The following BRIP1 variants were observed in gnomAD, a reference collection of about 807,000 sequenced individuals.
BRIP1 encodes the protein Fanconi anemia group J protein.
BRIP1 carries 88 observed loss-of-function variants against 119.7 expected under a neutral mutation model. The observed-to-expected ratio is 0.74, with a 90% confidence interval of 0.62 to 0.88. The LOEUF (loss-of-function observed/expected upper bound fraction) is 0.88. Among genes scored for constraint, BRIP1 ranks in the 40% least tolerant of loss-of-function variants. The pLI, the probability that BRIP1 is intolerant of heterozygous loss-of-function variation, is 0.00. For missense variants in BRIP1, 1,259 were observed against 1,455.4 expected (o/e 0.87, Z 2.20); for synonymous variants, 443 against 496.5 (o/e 0.89, Z 1.43).
rs748658407 is a variant in BRIP1, at chr17:61,851,975, A to G, written c.380-2719T>C. On this transcript the variant is annotated intron_variant, in intron 4 of 19. Coordinates refer to ENST00000259008, the MANE Select transcript of BRIP1 (RefSeq NM_032043.3). The surrounding 1 kb of genome is among the most constrained non-coding windows in gnomAD (Gnocchi z 4.6). Reference sequence around the variant, plus strand: ...TACTAGCATCCAGTGCATAAAGGCCAGAAGTATTGCTAAACATCTCACAAG... The same window carrying G: ...TACTAGCATCCAGTGCATAAAGGCCGGAAGTATTGCTAAACATCTCACAAG... 3.3e-5 allele frequency among the ~76,000 whole-genome samples: 5 copies of G among 152,258 alleles called. No homozygotes were observed. Among genetic ancestry groups the G allele is most frequent in the Non-Finnish European group, 5.9e-5 (4 of 68,050 alleles).
chr17:61,859,569 C>T lies in BRIP1; in HGVS notation c.205+227G>A, dbSNP rs533448458. Among the ~76,000 whole-genome samples, 10 of 152,074 alleles carry T rather than the reference C, an allele frequency of 6.6e-5. No individual in the cohort carries two copies. The South Asian group carries it at 8.3e-4, about 13-fold the overall frequency. ...GGCTGCCAAGTCTTTATGTACTTTC[C>T]GACTCATCAAAAGACTAAATTATGT... On this transcript the variant is annotated intron_variant, in intron 3 of 19. Coordinates refer to ENST00000259008, the MANE Select transcript of BRIP1 (RefSeq NM_032043.3).
chr17:61,685,941 A>C lies in BRIP1; in HGVS notation c.2800T>G (p.Phe934Val), dbSNP rs863224801. Residue 934 changes from phenylalanine to valine, a missense_variant, in exon 19 of 20, where the codon TTT becomes GTT. Physicochemically the swap from Phe to Val is conservative, Grantham distance 50. Around this residue, in one of 3 missense-constraint regions of BRIP1, gnomAD observed 753 missense variants for 891.8 expected, o/e 0.84. Transcript: ENST00000259008. ...CATATCTTTGCTTCATCTTCCACAAAATTTTCTGGTGATAGATGACTTGCT... is the reference window on the plus strand; with the variant it reads ...CATATCTTTGCTTCATCTTCCACAACATTTTCTGGTGATAGATGACTTGCT... ...EAASHLSPEN[F>V]VEDEAKICVQ... 15 of 1,613,804 alleles carry C rather than the reference A, an allele frequency of 9.3e-6. No homozygotes were observed. Among genetic ancestry groups the C allele is most frequent in the Non-Finnish European group, 1.0e-5 (12 of 1,179,894 alleles).
intron 11 of BRIP1, among the ~76,000 whole-genome samples, chr17:61,781,570 G>C (rs1434828356): frequency 6.6e-6 from 1 of 152,084 alleles, no homozygotes; most frequent in Admixed American, 6.5e-5. Flanking sequence ...TGATATCTGT[G>C]ATCCCATCCA....
rs545926269 is a variant in BRIP1, at chr17:61,700,267, G to A, written c.2493-6755C>T. ...CCTTTATATTAACTTTTACATTTAC[G>A]TATGTCGTTAACTTTGTGGGTATTC... On this transcript the variant is annotated intron_variant, in intron 17 of 19. Coordinates refer to ENST00000259008, the MANE Select transcript of BRIP1 (RefSeq NM_032043.3). This position sits in a 1 kb window ranked among gnomAD's most constrained non-coding sequence, Gnocchi z 4.1. Among the ~76,000 whole-genome samples, 99 of 152,194 alleles carry A rather than the reference G, an allele frequency of 6.5e-4. No homozygotes were observed. The highest frequency in any genetic ancestry group is 2.3e-3 in the African/African-American group (96 of 41,522).
chr17:61,761,602 C>A lies in BRIP1; in HGVS notation c.2097+14799G>T, dbSNP rs545986727. ...AAATCAACACACAAAAAATCAGTAG[C>A]ATTTCTATATACTAATAACAGACTA... is the stretch of plus-strand genomic sequence containing the variant. On this transcript the variant is annotated intron_variant, in intron 14 of 19. Coordinates refer to ENST00000259008, the MANE Select transcript of BRIP1 (RefSeq NM_032043.3). This position sits in a 1 kb window ranked among gnomAD's most constrained non-coding sequence, Gnocchi z 6.4. Among the ~76,000 whole-genome samples the A allele has an allele frequency of 3.9e-5, 6 of 151,940 alleles. No individual in the cohort carries two copies. In the East Asian group the frequency reaches 1.2e-3, roughly 29 times the overall value.
In BRIP1 at chr17:61,846,107, A is replaced by G. The variant is rs891814983; in HGVS notation, c.627+994T>C. Among the ~76,000 whole-genome samples the G allele has an allele frequency of 9.9e-5, 15 of 152,014 alleles. No homozygotes were observed. The highest frequency in any genetic ancestry group is 3.1e-4 in the African/African-American group (13 of 41,406). On this transcript the variant is annotated intron_variant, in intron 6 of 19. Coordinates refer to ENST00000259008, the MANE Select transcript of BRIP1 (RefSeq NM_032043.3). This position sits in a 1 kb window ranked among gnomAD's most constrained non-coding sequence, Gnocchi z 4.3. ...TGAGGCAGGAGAATGGCATGAACCC[A>G]GGAGGCGGAGCTTGCAGTGGGCGGA...
chr17:61,817,889 C>T (rs2145501790), intron 6 of BRIP1, among the ~76,000 whole-genome samples: 1 of 152,250 alleles, frequency 6.6e-6, no homozygotes, highest in South Asian at 2.1e-4. Context: ...CAGGTTGCAG[C>T]TCATGAAAAC....
At chr17:61,777,232 A>T (rs2077548372) in intron 13 of BRIP1, among the ~76,000 whole-genome samples, 1 of 152,216 alleles carries the variant, frequency 6.6e-6, no homozygotes, top group Admixed American at 6.5e-5. Flanking sequence ...GAAAGAATCA[A>T]TGAATGAATG....
chr17:61,781,207 C>T (rs997952549), intron 11 of BRIP1, among the ~76,000 whole-genome samples: 1 of 152,126 alleles, frequency 6.6e-6, no homozygotes, highest in Non-Finnish European at 1.5e-5. Context: ...TCAACTGATT[C>T]TCAGAGGGAA....
chr17:61,764,371 T>G (rs1362703223), intron 14 of BRIP1, among the ~76,000 whole-genome samples: 1 of 152,198 alleles, frequency 6.6e-6, no homozygotes, highest in Non-Finnish European at 1.5e-5. Context: ...TCTCTCCCCT[T>G]GCCTCCCACT....
Position 61,776,177 on chromosome 17 carries a change from C to T in BRIP1, c.2097+224G>A, listed in dbSNP as rs2077529561. 3.8e-6 allele frequency: 2 copies of T among 528,438 alleles called. No homozygotes were observed. The highest frequency in any genetic ancestry group is 6.6e-6 in the Non-Finnish European group (2 of 300,822). 32.7% of individuals were successfully genotyped at this position (528,438 alleles called of 1,614,324 possible). On this transcript the variant is annotated intron_variant, in intron 14 of 19. Coordinates refer to ENST00000259008, the MANE Select transcript of BRIP1 (RefSeq NM_032043.3). The surrounding 1 kb of genome is among the most constrained non-coding windows in gnomAD (Gnocchi z 5.0). ...GATTACAAGCATGAGCCACCACGTC[C>T]AGCCTTGCTCTTTCAGACTTTTAAG...
In BRIP1 at chr17:61,709,819, G is replaced by C. The variant is rs1177512365; in HGVS notation, c.2492+6132C>G. Reference sequence around the variant, plus strand: ...CAAAACCATCTTGTATGTTTCCAAAGGCTGTTCTTGTATTTCATAGACTTA... The same window carrying C: ...CAAAACCATCTTGTATGTTTCCAAACGCTGTTCTTGTATTTCATAGACTTA... On this transcript the variant is annotated intron_variant, in intron 17 of 19. Transcript: ENST00000259008. The surrounding 1 kb of genome is among the most constrained non-coding windows in gnomAD (Gnocchi z 5.0). Among the ~76,000 whole-genome samples the C allele has an allele frequency of 6.6e-6, 1 of 152,014 alleles. No individual in the cohort carries two copies. The highest frequency in any genetic ancestry group is 6.6e-5 in the Admixed American group (1 of 15,244).
At chr17:61,800,052 C>T (rs2077966353) in intron 8 of BRIP1, among the ~76,000 whole-genome samples, 1 of 152,132 alleles carries the variant, frequency 6.6e-6, no homozygotes, top group African/African-American at 2.4e-5. Context: ...TTTGGAGGGA[C>T]TAATATGTGG....
At chr17:61,791,881 T>G (rs962731813) in intron 10 of BRIP1, among the ~76,000 whole-genome samples, 1 of 152,186 alleles carries the variant, frequency 6.6e-6, no homozygotes, top group Non-Finnish European at 1.5e-5. Flanking sequence ...ACAACATGGA[T>G]GAAACTGGAA....
At chr17:61,728,851 C>T (rs1424400938) in intron 16 of BRIP1, among the ~76,000 whole-genome samples, 2 of 152,094 alleles carry the variant, frequency 1.3e-5, no homozygotes, top group Non-Finnish European at 2.9e-5. Flanking sequence ...AAGGAACTGG[C>T]CTGTTATCTG....
chr17:61,720,358 C>T lies in BRIP1; in HGVS notation c.2380-4295G>A, dbSNP rs2061953593. On this transcript the variant is annotated intron_variant, in intron 16 of 19. Coordinates refer to ENST00000259008, the MANE Select transcript of BRIP1 (RefSeq NM_032043.3). The surrounding 1 kb of genome is among the most constrained non-coding windows in gnomAD (Gnocchi z 4.3). ...AAACATCATATGTATCAAAACATCACTATGTACCCTATGAATATGTACAAT... is the reference window on the plus strand; with the variant it reads ...AAACATCATATGTATCAAAACATCATTATGTACCCTATGAATATGTACAAT... Among the ~76,000 whole-genome samples, 1 of 152,092 alleles carries T rather than the reference C, an allele frequency of 6.6e-6. No homozygotes were observed. Among genetic ancestry groups the T allele is most frequent in the Non-Finnish European group, 1.5e-5 (1 of 68,018 alleles).
In BRIP1 at chr17:61,823,701, GATGAAAACTATAAAACCAT is replaced by G. The variant is rs1379466565; in HGVS notation, c.628-14963_628-14945del. On this transcript the variant is annotated intron_variant, in intron 6 of 19. Coordinates refer to ENST00000259008, the MANE Select transcript of BRIP1 (RefSeq NM_032043.3). This position sits in a 1 kb window ranked among gnomAD's most constrained non-coding sequence, Gnocchi z 4.8. ...AAATGGCTCAAATTGTTCATAATTT[GATGAAAACTATAAAACCAT>G]AGATCCAAAAAGCTCAATGACCCCA... Among the ~76,000 whole-genome samples, 1 of 151,124 alleles carries G rather than the reference GATGAAAACTATAAAACCAT, an allele frequency of 6.6e-6. No homozygotes were observed. The highest frequency in any genetic ancestry group is 2.0e-4 in the East Asian group (1 of 5,116).
chr17:61,718,336 C>G (rs1291469893), intron 16 of BRIP1, among the ~76,000 whole-genome samples: 1 of 152,160 alleles, frequency 6.6e-6, no homozygotes, highest in Non-Finnish European at 1.5e-5. Flanking sequence ...TAATTTATCC[C>G]CCATACAAAG....
intron 14 of BRIP1, among the ~76,000 whole-genome samples, chr17:61,765,402 TATATATATATATATA>T: frequency 2.0e-4 from 3 of 15,276 alleles, no homozygotes; most frequent in Non-Finnish European, 3.1e-4. Context: ...TATATATATA[TATATATATATATATA>T]TATATATTTT....
Sources: allele counts gnomAD v4.1 joint callset (sites outside exome capture counted in the v4.1 genomes callset), GRCh38; gene constraint gnomAD v4.1.1; regional missense constraint gnomAD v4.1.1; non-coding constraint Gnocchi (gnomAD v3.1); transcripts MANE v1.5; gene names NCBI Gene and HGNC (gene_info 2026-07-23, HGNC 2026-07-21).